Variants in CADM2 observed in about 807,000 individuals in gnomAD.
The protein encoded by CADM2 is immunoglobulin superfamily member 4D.
A neutral mutation model predicts 49.8 loss-of-function variants in CADM2; 12 were observed. The observed-to-expected ratio is 0.24, with a 90% confidence interval of 0.15 to 0.39. The LOEUF (loss-of-function observed/expected upper bound fraction) is 0.39. CADM2 is among the 10% of genes least tolerant of loss of function. The pLI, the probability that CADM2 is intolerant of heterozygous loss-of-function variation, is 1.00. For missense variants in CADM2, 378 were observed against 492.3 expected, an observed-to-expected ratio of 0.77 and a Z score of 2.20; for synonymous variants, 214 against 175.4, an observed-to-expected ratio of 1.22 and a Z score of -1.74.
chr3:85,744,560 A>T (rs2068532371), intron 2 of CADM2, among the ~76,000 whole-genome samples: 2 of 152,166 alleles, frequency 1.3e-5, no homozygotes, highest in African/African-American at 4.8e-5. Flanking sequence ...TAAGTAAATG[A>T]AATACTCGGG....
At chr3:85,947,126 G>A (rs1391521538) in intron 7 of CADM2, among the ~76,000 whole-genome samples, 2 of 151,956 alleles carry the variant, frequency 1.3e-5, no homozygotes, top group Non-Finnish European at 2.9e-5. Context: ...CCATCAACAA[G>A]TGGACGAAGG....
At chr3:85,702,512 C>G (rs1185627572) in intron 1 of CADM2, among the ~76,000 whole-genome samples, 1 of 152,082 alleles carries the variant, frequency 6.6e-6, no homozygotes, top group Non-Finnish European at 1.5e-5. Context: ...CAGGTTTCAT[C>G]TTTTCAATGT....
At chr3:84,974,498 A>G (rs2031682723) in intron 1 of CADM2, among the ~76,000 whole-genome samples, 1 of 150,978 alleles carries the variant, frequency 6.6e-6, no homozygotes, top group Non-Finnish European at 1.5e-5. Flanking sequence ...AAGTTTTCCT[A>G]AGTCAGAGAT....
chr3:85,791,544 A>AGAAAGAG (rs2071330706), intron 2 of CADM2, among the ~76,000 whole-genome samples: 1 of 99,944 alleles, frequency 1.0e-5, no homozygotes, highest in African/African-American at 3.5e-5. Flanking sequence ...GAGAGAGAGA[A>AGAAAGAG]AGAGAGAGAG....
intron 1 of CADM2, among the ~76,000 whole-genome samples, chr3:85,477,037 C>T (rs2039004203): frequency 6.6e-6 from 1 of 151,530 alleles, no homozygotes; most frequent in South Asian, 2.1e-4. Flanking sequence ...ATTTTCAGCT[C>T]ATGTGGTTTG....
intron 1 of CADM2, among the ~76,000 whole-genome samples, chr3:85,086,266 T>C (rs895229778): frequency 6.6e-6 from 1 of 152,066 alleles, no homozygotes; most frequent in African/African-American, 2.4e-5. Flanking sequence ...TATTATTTTT[T>C]CCAGTAGGGA....
rs1577022550 is a variant in CADM2, at chr3:85,653,372, A to G, written c.62-73150A>G. Reference sequence around the variant, plus strand: ...ATAAAGGCAGCAACAGTGGACAAGTAAAATATGGAACACTTCTAGGTATAT... The same window carrying G: ...ATAAAGGCAGCAACAGTGGACAAGTGAAATATGGAACACTTCTAGGTATAT... On this transcript the variant is annotated intron_variant, in intron 1 of 9. Coordinates refer to ENST00000383699, the MANE Select transcript of CADM2 (RefSeq NM_001167675.2). Among the ~76,000 whole-genome samples the G allele has an allele frequency of 3.4e-5, 5 of 148,580 alleles. No homozygotes were observed. In the South Asian group the frequency reaches 1.1e-3, roughly 33 times the overall value.
intron 1 of CADM2, among the ~76,000 whole-genome samples, chr3:85,033,418 C>A (rs2035075503): frequency 2.0e-5 from 3 of 152,172 alleles, no homozygotes; most frequent in Non-Finnish European, 4.4e-5. Flanking sequence ...TTTCCACACT[C>A]TGAATTAAGT....
At chr3:85,917,599 C>A (rs535103695) in intron 6 of CADM2, among the ~76,000 whole-genome samples, 2 of 152,016 alleles carry the variant, frequency 1.3e-5, no homozygotes, top group Non-Finnish European at 2.9e-5. Flanking sequence ...AGTCAGGTAG[C>A]GTGATGCCTC....
chr3:85,775,344 C>T (rs2107969927), intron 2 of CADM2, among the ~76,000 whole-genome samples: 2 of 151,712 alleles, frequency 1.3e-5, no homozygotes, highest in African/African-American at 4.8e-5. Context: ...GCTTTGTGCC[C>T]TATTATAGTA....
chr3:85,883,563 CTTT>C, intron 4 of CADM2, 120 bp downstream of exon 4: 1 of 840,002 alleles, frequency 1.2e-6, no homozygotes, highest in South Asian at 3.4e-5. Context: ...TGGTTTAATC[CTTT>C]CTCTGCTACA....
At chr3:85,131,591 G>A (rs767552592) in intron 1 of CADM2, among the ~76,000 whole-genome samples, 7 of 152,044 alleles carry the variant, frequency 4.6e-5, no homozygotes, top group Non-Finnish European at 1.0e-4. Context: ...ACTATATAGC[G>A]GGGCCCATGT....
chr3:85,278,032 C>T (rs969895025), intron 1 of CADM2, among the ~76,000 whole-genome samples: 1 of 150,440 alleles, frequency 6.6e-6, no homozygotes, highest in Non-Finnish European at 1.5e-5. Context: ...TTTTCTATTT[C>T]CATGAAAATT....
chr3:85,976,352 G>A (rs1020402452), intron 8 of CADM2, among the ~76,000 whole-genome samples: 1 of 151,514 alleles, frequency 6.6e-6, no homozygotes, highest in Non-Finnish European at 1.5e-5. Flanking sequence ...CGGGTGGAAA[G>A]TTTAGGTAGA....
At chr3:85,458,375 A>G (rs1457068669) in intron 1 of CADM2, among the ~76,000 whole-genome samples, 11 of 152,192 alleles carry the variant, frequency 7.2e-5, no homozygotes, top group African/African-American at 2.2e-4. Context: ...AATAATGGAA[A>G]GTTCTGGTGT....
chr3:85,979,828 A>G (rs1334491428), intron 8 of CADM2, among the ~76,000 whole-genome samples: 1 of 151,618 alleles, frequency 6.6e-6, no homozygotes, highest in African/African-American at 2.4e-5. Context: ...GAGTGAAGCT[A>G]CTTATTCTAC....
At chr3:85,601,533 A>G (rs1321300039) in intron 1 of CADM2, among the ~76,000 whole-genome samples, 3 of 151,402 alleles carry the variant, frequency 2.0e-5, no homozygotes, top group Admixed American at 6.6e-5. Context: ...AATACTTCCC[A>G]TTTTAGATAT....
intron 1 of CADM2, among the ~76,000 whole-genome samples, chr3:85,654,197 A>G (rs1452947419): frequency 6.6e-6 from 1 of 152,194 alleles, no homozygotes; most frequent in East Asian, 1.9e-4. Flanking sequence ...GGAGGGAAAA[A>G]TAGGTCAGGA....
chr3:85,790,961 C>G (rs757856678), intron 2 of CADM2, among the ~76,000 whole-genome samples: 5 of 152,142 alleles, frequency 3.3e-5, no homozygotes, highest in Non-Finnish European at 7.3e-5. Context: ...CTCTAAAAGG[C>G]AGGCTGAATT....
Sources: gnomAD v4.1 joint callset for allele counts (sites outside exome capture counted in the v4.1 genomes callset) on GRCh38, gnomAD v4.1.1 for gene constraint, MANE v1.5 for transcripts, NCBI Gene and HGNC (gene_info 2026-07-23, HGNC 2026-07-21) for gene names.